Variants in MEIS3 observed in about 807,000 individuals in gnomAD.
MEIS3 encodes the protein Meis homeobox 3.
MEIS3 carries 38 observed loss-of-function variants against 51.4 expected under a neutral mutation model. The observed-to-expected ratio is 0.74, with a 90% confidence interval of 0.57 to 0.97. The LOEUF (loss-of-function observed/expected upper bound fraction) is 0.97, where lower values mean the gene tolerates loss of function less well. MEIS3 is among the 50% of genes least tolerant of loss of function. The pLI is 0.00. For synonymous variants in MEIS3, 198 were observed against 201.8 expected, an observed-to-expected ratio of 0.98 and a Z score of 0.16; for missense variants, 456 against 502.6, an observed-to-expected ratio of 0.91 and a Z score of 0.89.
At chr19:47,405,163 GTCT>G (rs548750942) in intron 12 of MEIS3, among the ~76,000 whole-genome samples, 84 of 152,294 alleles carry the variant, frequency 5.5e-4, no homozygotes, top group African/African-American at 1.9e-3. Flanking sequence ...CTGAACCTCA[GTCT>G]TCTTATCTAT....
Position 47,407,178 on chromosome 19 carries a change from G to C in MEIS3, c.936-41C>G, listed in dbSNP as rs548788647. 10 of 1,586,386 alleles carry C rather than the reference G, an allele frequency of 6.3e-6. No individual in the cohort carries two copies. The East Asian group carries it at 2.0e-4, about 32-fold the overall frequency. On this transcript the variant is annotated intron_variant, in intron 9 of 12. Coordinates refer to ENST00000558555, the MANE Select transcript of MEIS3 (RefSeq NM_001301059.2). Reference sequence around the variant, plus strand: ...GGAAACGGAGGGGAATGAAAAGAGGGAGTGGGAGAGAGGCCAAGACGAACA... The same window carrying C: ...GGAAACGGAGGGGAATGAAAAGAGGCAGTGGGAGAGAGGCCAAGACGAACA...
At chr19:47,410,714 C>T (rs1222620276) in intron 6 of MEIS3, among the ~76,000 whole-genome samples, 1 of 151,766 alleles carries the variant, frequency 6.6e-6, no homozygotes, top group Non-Finnish European at 1.5e-5. Context: ...TGCAGTGAGC[C>T]GAGATCACAC....
intron 4 of MEIS3, chr19:47,416,435 A>C: frequency 1.9e-6 from 1 of 523,698 alleles, no homozygotes; most frequent in Non-Finnish European, 3.4e-6. Context: ...TGGGTCACAG[A>C]GCTGGTGAGT....
chr19:47,418,923 G>T, intron 1 of MEIS3, 147 bp downstream of exon 1: 1 of 454,784 alleles, frequency 2.2e-6, no homozygotes, highest in Non-Finnish European at 3.6e-6. Flanking sequence ...GGGACTGGGA[G>T]ACCCAGGGGC....
chr19:47,416,459 T>G, intron 4 of MEIS3, 193 bp downstream of exon 4: 1 of 543,282 alleles, frequency 1.8e-6, no homozygotes, highest in Non-Finnish European at 3.2e-6. Context: ...AGAGCTGGGA[T>G]TTGAACTCGG....
upstream of MEIS3, among the ~76,000 whole-genome samples, chr19:47,421,584 TTCC>T (rs772912115): frequency 1.9e-4 from 29 of 152,134 alleles, no homozygotes; most frequent in Admixed American, 3.3e-4. Context: ...CCAGGTTTGC[TTCC>T]TCCTCCTCAT....
At chr19:47,418,960 G>A (rs1017335853) in intron 1 of MEIS3, 110 bp downstream of exon 1, 7 of 623,952 alleles carry the variant, frequency 1.1e-5, no homozygotes, top group African/African-American at 1.9e-5. Flanking sequence ...AGAGAGCGAG[G>A]TGGTGTAGAG....
intron 1 of MEIS3, chr19:47,417,684 C>T (rs1971519627): frequency 2.8e-6 from 2 of 702,380 alleles, no homozygotes; most frequent in South Asian, 1.5e-5. Flanking sequence ...GAGAGACAGA[C>T]AGAGAGGGAG....
intron 6 of MEIS3, 78 bp from the exon 7 acceptor site, chr19:47,409,625 A>C: frequency 1.1e-6 from 1 of 900,628 alleles, no homozygotes; most frequent in Non-Finnish European, 1.8e-6. Context: ...GCACTTTGGG[A>C]GGCCAAGGCA....
At chr19:47,405,426 C>T (rs1488807518) in intron 12 of MEIS3, among the ~76,000 whole-genome samples, 1 of 152,178 alleles carries the variant, frequency 6.6e-6, no homozygotes, top group African/African-American at 2.4e-5. Context: ...ATGACTCCCT[C>T]CTATGGGGAA....
rs1344388045 is a variant in MEIS3 at position 47,416,934 on chromosome 19, A to G, written c.215T>C (p.Val72Ala). The change falls in exon 3 of 13, where the codon GTC becomes GCC. Residue 72 changes from valine (V) to alanine (A), a missense_variant. By Grantham distance (64) the Val-to-Ala change is moderately conservative. Coordinates refer to ENST00000558555, the MANE Select transcript of MEIS3 (RefSeq NM_001301059.2). ...TGTAGCCAGTTCACATTTCTCAAAGACCAGGGCCAAGAGGGGGAAGAGCGG... is the reference window on the plus strand; with the variant it reads ...TGTAGCCAGTTCACATTTCTCAAAGGCCAGGGCCAAGAGGGGGAAGAGCGG... ...GHPLFPLLAL[V>A]FEKCELATCS... The G allele has an allele frequency of 1.2e-6, 2 of 1,602,442 alleles. No individual in the cohort carries two copies. Among genetic ancestry groups the G allele is most frequent in the Non-Finnish European group, 1.7e-6 (2 of 1,174,532 alleles).
upstream of MEIS3, among the ~76,000 whole-genome samples, chr19:47,421,891 C>A (rs552634935): frequency 6.6e-6 from 1 of 151,496 alleles, no homozygotes; most frequent in African/African-American, 2.4e-5. Flanking sequence ...TCCCTCTCTC[C>A]GCCTCCCTGT....
At chr19:47,405,796 T>A (rs1970787174) in intron 12 of MEIS3, among the ~76,000 whole-genome samples, 1 of 152,106 alleles carries the variant, frequency 6.6e-6, no homozygotes, top group Non-Finnish European at 1.5e-5. Flanking sequence ...GTGATCCACC[T>A]GCCTCAGCCT....
intron 1 of MEIS3, chr19:47,418,780 A>G (rs1335644105): frequency 3.9e-5 from 12 of 305,104 alleles, no homozygotes; most frequent in Non-Finnish European, 7.1e-5. Context: ...GGGGACAGAG[A>G]GGCAGAAAGG....
chr19:47,411,564 G>A (rs1330140938), intron 6 of MEIS3, among the ~76,000 whole-genome samples: 3 of 145,044 alleles, frequency 2.1e-5, no homozygotes, highest in African/African-American at 7.7e-5. Context: ...TTTTTGAGAC[G>A]GAGTCTCGCC....
intron 1 of MEIS3, chr19:47,417,803 G>A: frequency 1.3e-5 from 8 of 627,586 alleles, no homozygotes; most frequent in East Asian, 8.2e-5. Context: ...GCGCATCAGA[G>A]TAAGTCTCAA....
intron 6 of MEIS3, among the ~76,000 whole-genome samples, chr19:47,413,415 T>C (rs1971235908): frequency 6.6e-6 from 1 of 150,852 alleles, no homozygotes; most frequent in Non-Finnish European, 1.5e-5. Context: ...AAAAAAAATG[T>C]CTCCGGGACT....
chr19:47,420,535 GACA>G (rs1971667518), upstream of MEIS3, among the ~76,000 whole-genome samples: 1 of 125,244 alleles, frequency 8.0e-6, no homozygotes, highest in African/African-American at 3.6e-5. Flanking sequence ...GAGAGAGAGA[GACA>G]GAGACAGACG....
chr19:47,421,411 G>T (rs559124962), upstream of MEIS3, among the ~76,000 whole-genome samples: 1 of 152,146 alleles, frequency 6.6e-6, no homozygotes, highest in South Asian at 2.1e-4. Flanking sequence ...CCGGGGATCC[G>T]CAGTGGTCCC....
Sources: gnomAD v4.1 joint callset for allele counts (sites outside exome capture counted in the v4.1 genomes callset) on GRCh38, gnomAD v4.1.1 for gene constraint, MANE v1.5 for transcripts, NCBI Gene and HGNC (gene_info 2026-07-23, HGNC 2026-07-21) for gene names.